LPAR3: variants seen among roughly 807,000 people sequenced by gnomAD.
LPAR3 encodes lysophosphatidic acid receptor 3.
A neutral mutation model predicts 17.8 loss-of-function variants in LPAR3; 7 were observed. The ratio of observed to expected loss-of-function variants is 0.39; its 90% confidence interval spans 0.22 to 0.74. The LOEUF (loss-of-function observed/expected upper bound fraction) is 0.74, where lower values mean the gene tolerates loss of function less well. Ranked by LOEUF, LPAR3 falls within the 30% of genes least tolerant of loss-of-function variation. LPAR3 has a pLI of 0.40. For missense variants in LPAR3, 391 were observed against 453.4 expected (o/e 0.86, Z 1.25); for synonymous variants, 179 against 179.9 (o/e 0.99, Z 0.04).
At chr1:84,844,739 T>C (rs1659565393) in intron 2 of LPAR3, among the ~76,000 whole-genome samples, 1 of 152,202 alleles carries the variant, frequency 6.6e-6, no homozygotes, top group African/African-American at 2.4e-5. Flanking sequence ...TGGGGAACTA[T>C]TATGACTATT....
chr1:84,875,249 C>A (rs1297871168), intron 1 of LPAR3, among the ~76,000 whole-genome samples: 1 of 152,128 alleles, frequency 6.6e-6, no homozygotes, highest in African/African-American at 2.4e-5. Context: ...AAGAGATATT[C>A]TTCTTATACA....
chr1:84,850,412 A>AAAAAAAAAAAAAAAAAAAAAAAAG (rs1553148195), intron 2 of LPAR3, among the ~76,000 whole-genome samples: 1 of 149,722 alleles, frequency 6.7e-6, no homozygotes, highest in Non-Finnish European at 1.5e-5. Flanking sequence ...AAAAAAAAAA[A>AAAAAAAAAAAAAAAAAAAAAAAAG]AAAAAGAAAA....
At position 84,812,619 on chromosome 1, in the gene LPAR3, G is replaced by A. The variant is rs1313960541; in HGVS notation, c.*1227C>T. ...GGCTAGTTTTTGTATTTTTAGTAAAGATGCAATTTCACCACATTGCCCAGG... is the reference window on the plus strand; with the variant it reads ...GGCTAGTTTTTGTATTTTTAGTAAAAATGCAATTTCACCACATTGCCCAGG... On this transcript the variant is annotated 3_prime_UTR_variant, in exon 3 of 3. Coordinates refer to ENST00000370611, the MANE Select transcript of LPAR3 (RefSeq NM_012152.3). The A allele has an allele frequency of 1.3e-5, 2 of 151,868 alleles. No homozygotes were observed. The highest frequency in any genetic ancestry group is 4.8e-5 in the African/African-American group (2 of 41,344). The allele number at this position is 151,868 out of a possible 1,614,324, so 9.4% of individuals were successfully genotyped here. A position where few individuals can be genotyped will look rare whatever the true frequency, so the allele number is the denominator to read the frequency against.
At chr1:84,821,721 T>G (rs780839677) in intron 2 of LPAR3, among the ~76,000 whole-genome samples, 1 of 152,092 alleles carries the variant, frequency 6.6e-6, no homozygotes, top group Non-Finnish European at 1.5e-5. Context: ...GGTGAAACTA[T>G]CAGGATCTGA....
At chr1:84,888,036 C>T (rs755842606) in intron 1 of LPAR3, among the ~76,000 whole-genome samples, 1 of 151,018 alleles carries the variant, frequency 6.6e-6, no homozygotes, top group Non-Finnish European at 1.5e-5. Flanking sequence ...GGACAGAGTG[C>T]TTGCTTTTTT....
At chr1:84,839,387 A>T (rs1659466315) in intron 2 of LPAR3, among the ~76,000 whole-genome samples, 1 of 152,214 alleles carries the variant, frequency 6.6e-6, no homozygotes, top group African/African-American at 2.4e-5. Context: ...GAGTTAATAA[A>T]TGTGGACTGG....
intron 2 of LPAR3, among the ~76,000 whole-genome samples, chr1:84,860,934 T>A (rs1461642499): frequency 6.6e-6 from 1 of 152,016 alleles, no homozygotes; most frequent in Non-Finnish European, 1.5e-5. Context: ...AGACGGGGTT[T>A]CACCATGTTG....
intron 2 of LPAR3, among the ~76,000 whole-genome samples, chr1:84,846,452 C>G (rs1659596061): frequency 6.6e-6 from 1 of 152,174 alleles, no homozygotes; most frequent in Non-Finnish European, 1.5e-5. Flanking sequence ...TGTCATCAGG[C>G]TAATTTTACA....
At chr1:84,879,350 C>T (rs554784302) in intron 1 of LPAR3, among the ~76,000 whole-genome samples, 13 of 129,880 alleles carry the variant, frequency 1.0e-4, no homozygotes, top group East Asian at 4.2e-4. Context: ...CTCGCTGTGT[C>T]GCCCAGGCTG....
rs1446601547 is a variant in LPAR3 at position 84,865,710 on chromosome 1, A to G, written c.411T>C (p.His137=). 3 of 1,614,076 alleles carry G rather than the reference A, an allele frequency of 1.9e-6. No individual in the cohort carries two copies. Among genetic ancestry groups the G allele is most frequent in the Admixed American group, 1.7e-5 (1 of 59,998 alleles). The change falls in exon 2 of 3, where the codon CAT becomes CAC. Residue 137 remains histidine, a synonymous_variant. Transcript: ENST00000370611. The stretch of plus-strand genomic sequence containing the variant: ...TCACCCTCTTTTTGGTCAGGTTGCT[A>G]TGGACCCGCATCCTCATGATTGACA... ...RHMSIMRMRV[H]SNLTKKRVTL...
intron 2 of LPAR3, among the ~76,000 whole-genome samples, chr1:84,825,227 G>A (rs1240825215): frequency 6.6e-6 from 1 of 152,208 alleles, no homozygotes; most frequent in Non-Finnish European, 1.5e-5. Flanking sequence ...TGTGCAATGT[G>A]AGAGAATCTC....
At chr1:84,873,588 A>C (rs1435507860) in intron 1 of LPAR3, among the ~76,000 whole-genome samples, 2 of 152,116 alleles carry the variant, frequency 1.3e-5, no homozygotes, top group Admixed American at 6.6e-5. Context: ...GGATAAAGCG[A>C]ATATGTTTAT....
intron 2 of LPAR3, among the ~76,000 whole-genome samples, chr1:84,842,212 T>C (rs1659517005): frequency 6.6e-6 from 1 of 152,220 alleles, no homozygotes. Flanking sequence ...TGGTTCTTGT[T>C]TTTGCAATCA....
intron 2 of LPAR3, among the ~76,000 whole-genome samples, chr1:84,856,698 A>C (rs975145630): frequency 3.9e-5 from 6 of 152,206 alleles, no homozygotes; most frequent in Non-Finnish European, 8.8e-5. Context: ...ATAGCAGCTG[A>C]CGAACTAGCT....
At chr1:84,858,473 G>A (rs1216490122) in intron 2 of LPAR3, among the ~76,000 whole-genome samples, 4 of 124,012 alleles carry the variant, frequency 3.2e-5, no homozygotes, top group African/African-American at 9.9e-5. Context: ...GCGACAGGGC[G>A]AGACTGTCTC....
chr1:84,814,295 A>G (rs1267362829), intron 2 of LPAR3, 124 bp from the exon 3 acceptor site: 1 of 733,578 alleles, frequency 1.4e-6, no homozygotes, highest in East Asian at 2.7e-5. Flanking sequence ...GACAACTGCA[A>G]GGCAAACTTC....
intron 1 of LPAR3, among the ~76,000 whole-genome samples, chr1:84,873,366 C>T (rs1311352145): frequency 6.6e-6 from 1 of 152,112 alleles, no homozygotes; most frequent in Non-Finnish European, 1.5e-5. Flanking sequence ...TAGAAGACTG[C>T]TCTGTAAATA....
At chr1:84,815,537 C>T (rs1459516267) in intron 2 of LPAR3, among the ~76,000 whole-genome samples, 1 of 152,052 alleles carries the variant, frequency 6.6e-6, no homozygotes, top group Non-Finnish European at 1.5e-5. Context: ...GATATAATAC[C>T]AAGCAGGGAA....
intron 2 of LPAR3, among the ~76,000 whole-genome samples, chr1:84,821,390 T>G (rs1265708258): frequency 1.3e-5 from 2 of 152,170 alleles, no homozygotes; most frequent in African/African-American, 4.8e-5. Context: ...ATACTGTTAT[T>G]GAATGGTAGT....
Sources: gnomAD v4.1 joint callset for allele counts (sites outside exome capture counted in the v4.1 genomes callset) on GRCh38, gnomAD v4.1.1 for gene constraint, MANE v1.5 for transcripts, NCBI Gene and HGNC (gene_info 2026-07-23, HGNC 2026-07-21) for gene names.